Variants in KLHL4 observed in about 807,000 individuals in gnomAD.
KLHL4 encodes kelch like family member 4, also known as kelch-like protein 4.
A neutral mutation model predicts 45.8 loss-of-function variants in KLHL4; 17 were observed. The ratio of observed to expected loss-of-function variants is 0.37; its 90% CI spans 0.25 to 0.56. The LOEUF (loss-of-function observed/expected upper bound fraction) is 0.56. Ranked by LOEUF, KLHL4 falls within the 20% of genes least tolerant of loss-of-function variation. The probability of loss-of-function intolerance (pLI) is 0.79; values close to 1 mark genes in which losing one functional copy is unlikely to be tolerated. For synonymous variants in KLHL4, 224 were observed against 189.9 expected (o/e 1.18, Z -1.47); for missense variants, 544 against 544.9 (o/e 1.00, Z 0.02).
At chrX:87,613,702 A>G (rs769097333) in intron 1 of KLHL4, among the ~76,000 whole-genome samples, 175 bp from the exon 2 acceptor site, 9 of 112,138 alleles carry the variant, frequency 8.0e-5, no homozygotes, top group Non-Finnish European at 1.3e-4. Context: ...TAGTAATTAT[A>G]GTAAAATATC....
At chrX:87,630,523 T>G (rs758120115) in intron 6 of KLHL4, among the ~76,000 whole-genome samples, 5 of 111,569 alleles carry the variant, frequency 4.5e-5, no homozygotes, top group Admixed American at 9.6e-5. Flanking sequence ...AGATATACTA[T>G]ATAGATGTAA....
chrX:87,640,237 A>G (rs1422988663), intron 9 of KLHL4, among the ~76,000 whole-genome samples: 1 of 111,737 alleles, frequency 8.9e-6, no homozygotes, highest in Non-Finnish European at 1.9e-5. Context: ...TCCAGATGAA[A>G]TCACAGGTGA....
At chrX:87,647,105 A>G (rs1923662993) in intron 9 of KLHL4, among the ~76,000 whole-genome samples, 1 of 112,221 alleles carries the variant, frequency 8.9e-6, no homozygotes, top group African/African-American at 3.2e-5. Flanking sequence ...AAAAGAAGAT[A>G]TACATATGGC....
At chrX:87,534,402 C>A (rs896643465) in intron 1 of KLHL4, among the ~76,000 whole-genome samples, 1 of 111,093 alleles carries the variant, frequency 9.0e-6, no homozygotes, top group Non-Finnish European at 1.9e-5. Context: ...TTTATTAACT[C>A]CTGACAGCCC....
Position 87,622,309 on chromosome X carries a change from T to G in KLHL4, c.1023T>G (p.Asp341Glu). Residue 341 changes from aspartate (D) to glutamate (E), a missense_variant, in exon 5 of 11, where the codon GAT becomes GAG. Asp to Glu is a conservative substitution (Grantham distance 45, BLOSUM62 2). Transcript: ENST00000373119. ...GCAGTGATGACATTAATGTGCCTGA[T>G]GAAGAGACCATTTTTCATGCTCTAA... ...LLCSDDINVP[D>E]EETIFHALMQ... The G allele has an allele frequency of 8.3e-7, 1 of 1,206,158 alleles. No individual in the cohort carries two copies. The highest frequency in any genetic ancestry group is 1.1e-6 in the Non-Finnish European group (1 of 890,613).
chrX:87,530,292 T>C (rs1931226996), intron 1 of KLHL4, among the ~76,000 whole-genome samples: 1 of 109,392 alleles, frequency 9.1e-6, no homozygotes, highest in African/African-American at 3.3e-5. Context: ...TATTATACTT[T>C]AAGTTTTAGG....
At chrX:87,599,749 A>G (rs1921950760) in intron 1 of KLHL4, among the ~76,000 whole-genome samples, 3 of 111,287 alleles carry the variant, frequency 2.7e-5, no homozygotes, top group Non-Finnish European at 5.7e-5. Flanking sequence ...TAGATCACTG[A>G]GAGGGTGTGA....
intron 1 of KLHL4, among the ~76,000 whole-genome samples, chrX:87,557,238 C>G (rs1274636172): frequency 1.8e-5 from 2 of 111,600 alleles, no homozygotes; most frequent in South Asian, 7.4e-4. Context: ...GCTTATTATT[C>G]TTTTATAACT....
intron 1 of KLHL4, among the ~76,000 whole-genome samples, chrX:87,609,387 G>C (rs1479336453): frequency 1.8e-5 from 2 of 111,804 alleles, no homozygotes; most frequent in Admixed American, 1.9e-4. Context: ...CAGTGTAAAA[G>C]TGTTCCTATT....
rs1277854564 is a variant in KLHL4 at position 87,669,682 on chromosome X, AG to A, written c.*3150del. On this transcript the variant is annotated 3_prime_UTR_variant, in exon 11 of 11. Transcript: ENST00000373119. ...TACTTTCTCCCAATCACATCACCTG[AG>A]GTAGAAGAGATTTTTCAGTTGCTAT... 5.0e-6 allele frequency: 1 copy of A among 201,731 alleles called. No individual in the cohort carries two copies. The highest frequency in any genetic ancestry group is 3.0e-5 in the African/African-American group (1 of 33,517). 16.6% of individuals were successfully genotyped at this position (201,731 alleles called of 1,213,427 possible). A position where few individuals can be genotyped will look rare whatever the true frequency, so the allele number is the denominator to read the frequency against.
chrX:87,522,638 CT>C (rs1213567516), intron 1 of KLHL4, among the ~76,000 whole-genome samples: 5 of 112,350 alleles, frequency 4.5e-5, no homozygotes, highest in African/African-American at 1.6e-4. Context: ...GAGAAATGAA[CT>C]ACAATTATAT....
chrX:87,663,874 C>T (rs1924281799), intron 9 of KLHL4, among the ~76,000 whole-genome samples: 1 of 111,686 alleles, frequency 9.0e-6, no homozygotes, highest in Admixed American at 9.6e-5. Context: ...TAAAGAGATA[C>T]AAACAGTGGT....
At chrX:87,542,536 T>A (rs961952654) in intron 1 of KLHL4, among the ~76,000 whole-genome samples, 6 of 112,423 alleles carry the variant, frequency 5.3e-5, no homozygotes, top group African/African-American at 1.9e-4. Flanking sequence ...AGCTTTAAAA[T>A]CTAATGACAG....
intron 1 of KLHL4, among the ~76,000 whole-genome samples, chrX:87,572,112 T>C (rs779040331): frequency 1.4e-4 from 16 of 111,448 alleles, no homozygotes; most frequent in Non-Finnish European, 2.8e-4. Context: ...ACAGTTTTAA[T>C]GTGAATATTT....
chrX:87,538,475 C>T (rs1192381021), intron 1 of KLHL4, among the ~76,000 whole-genome samples: 1 of 111,311 alleles, frequency 9.0e-6, no homozygotes, highest in Non-Finnish European at 1.9e-5. Flanking sequence ...TTTAGGGTAT[C>T]AGAAATATCC....
intron 9 of KLHL4, among the ~76,000 whole-genome samples, chrX:87,641,047 G>C (rs1015407100): frequency 2.7e-5 from 3 of 112,032 alleles, no homozygotes; most frequent in East Asian, 2.8e-4. Context: ...CATGGTGGAC[G>C]TGAGGCAGGA....
At chrX:87,602,671 C>T (rs1456574748) in intron 1 of KLHL4, among the ~76,000 whole-genome samples, 1 of 111,158 alleles carries the variant, frequency 9.0e-6, no homozygotes, top group Non-Finnish European at 1.9e-5. Context: ...AGAAAATTGC[C>T]TATTGATGCG....
At position 87,585,775 on chromosome X, in the gene KLHL4, G is replaced by A. The variant is rs550096951; in HGVS notation, c.423-28102G>A. ...TAGCAGGAGTAAGCCCTTACTCATC[G>A]ATAATAACATTGAATGTAAATGGAC... On this transcript the variant is annotated intron_variant, in intron 1 of 10. Transcript: ENST00000373119. Among the ~76,000 whole-genome samples the A allele has an allele frequency of 8.8e-4, 98 of 110,762 alleles. No homozygotes were observed. The Middle Eastern group carries it at 0.019, about 21-fold the overall frequency.
At chrX:87,539,752 A>G (rs1931512336) in intron 1 of KLHL4, among the ~76,000 whole-genome samples, 1 of 111,105 alleles carries the variant, frequency 9.0e-6, no homozygotes, top group Non-Finnish European at 1.9e-5. Context: ...ATGCAGCATT[A>G]CTCTATTTAG....
Sources: allele counts gnomAD v4.1 joint callset (sites outside exome capture counted in the v4.1 genomes callset), GRCh38; gene constraint gnomAD v4.1.1; transcripts MANE v1.5; gene names NCBI Gene and HGNC (gene_info 2026-07-23, HGNC 2026-07-21).